The following LMO7 variants were observed in gnomAD, a reference collection of about 807,000 sequenced individuals.
LMO7 encodes LIM domain 7, also known as LIM domain only protein 7.
Under a neutral mutation model 206.5 loss-of-function variants are expected in LMO7, and 120 were observed. The observed-to-expected ratio is 0.58, with a 90% CI of 0.50 to 0.68. LMO7 has a LOEUF of 0.68. LMO7 is among the 30% of genes least tolerant of loss of function. The pLI, the probability that LMO7 is intolerant of heterozygous loss-of-function variation, is 0.00. For missense variants in LMO7, 1,959 were observed against 1,957.9 expected, an observed-to-expected ratio of 1.00 and a Z score of -0.01; for synonymous variants, 706 against 681.5, an observed-to-expected ratio of 1.04 and a Z score of -0.56.
At chr13:75,769,151 A>G (rs770126234) in intron 4 of LMO7, among the ~76,000 whole-genome samples, 2 of 152,082 alleles carry the variant, frequency 1.3e-5, no homozygotes, top group African/African-American at 2.4e-5. Context: ...CAAATGTTAA[A>G]TAGAGTAGGC....
intron 4 of LMO7, among the ~76,000 whole-genome samples, chr13:75,761,600 T>C (rs1021244030): frequency 5.9e-5 from 9 of 151,984 alleles, no homozygotes; most frequent in African/African-American, 2.2e-4. Flanking sequence ...AAAGTGAAAG[T>C]GGGGGTGAGA....
chr13:75,804,217 A>C, intron 7 of LMO7, 72 bp from the exon 8 acceptor site: 2 of 1,435,218 alleles, frequency 1.4e-6, no homozygotes, highest in Non-Finnish European at 1.9e-6. Context: ...AAGACAAAGC[A>C]GGCGCGCTGT....
At chr13:75,697,963 T>C (rs2042017140) in intron 1 of LMO7, among the ~76,000 whole-genome samples, 1 of 152,230 alleles carries the variant, frequency 6.6e-6, no homozygotes. Flanking sequence ...ATTGGGAATG[T>C]AATTAACTCT....
chr13:75,760,804 G>C (rs775830721), intron 3 of LMO7, 128 bp from the exon 4 acceptor site: 1 of 1,547,388 alleles, frequency 6.5e-7, no homozygotes, highest in Non-Finnish European at 8.7e-7. Flanking sequence ...CATATGCATG[G>C]GTCTTGCTGC....
intron 3 of LMO7, among the ~76,000 whole-genome samples, chr13:75,727,749 A>C (rs1039611319): frequency 1.3e-4 from 20 of 150,940 alleles, no homozygotes; most frequent in African/African-American, 4.6e-4. Context: ...AGCATTAGGT[A>C]TATCTCCTAA....
intron 3 of LMO7, among the ~76,000 whole-genome samples, chr13:75,737,112 C>T (rs1170962802): frequency 1.3e-5 from 2 of 152,068 alleles, no homozygotes; most frequent in African/African-American, 4.8e-5. Context: ...TTATAATGAG[C>T]TCATACTGGG....
At chr13:75,621,075 G>T (rs1385329563) in exon 1 of LMO7, 1 of 152,152 alleles carries the variant, frequency 6.6e-6, no homozygotes, top group African/African-American at 2.4e-5. Context: ...ATATTCTCAT[G>T]TACATTTTAC....
intron 27 of LMO7, among the ~76,000 whole-genome samples, chr13:75,851,934 C>A (rs2060530780): frequency 6.6e-6 from 1 of 151,844 alleles, no homozygotes; most frequent in South Asian, 2.1e-4. Context: ...ACTGGCTTTT[C>A]CTATGACAAA....
rs370835792 is a variant in LMO7 at position 75,805,459 on chromosome 13, C to G, written c.915-20C>G. Reference sequence around the variant, plus strand: ...ACAAATGCTCATACAGTGTCTTAACCGGTTGGATGTTTTGAACAGTAATCA... The same window carrying G: ...ACAAATGCTCATACAGTGTCTTAACGGGTTGGATGTTTTGAACAGTAATCA... On this transcript the variant is annotated intron_variant, in intron 8 of 30. Transcript: ENST00000377534. 2 of 1,608,560 alleles carry G rather than the reference C, an allele frequency of 1.2e-6. No individual in the cohort carries two copies. Among genetic ancestry groups the G allele is most frequent in the East Asian group, 2.2e-5 (1 of 44,816 alleles).
chr13:75,750,072 G>A (rs1003880855), intron 3 of LMO7, among the ~76,000 whole-genome samples: 1 of 151,654 alleles, frequency 6.6e-6, no homozygotes, highest in Non-Finnish European at 1.5e-5. Context: ...AAAAAAACCA[G>A]TGCTGGCACA....
chr13:75,713,088 T>A, intron 1 of LMO7, 94 bp from the exon 2 acceptor site: 1 of 789,334 alleles, frequency 1.3e-6, no homozygotes, highest in South Asian at 1.7e-5. Flanking sequence ...CCTTCAAGTA[T>A]AACATTAAAT....
In LMO7 at chr13:75,841,659, C is replaced by T. The variant is rs756856084; in HGVS notation, c.3707C>T (p.Ser1236Phe). ...ATGGTCCTAAGCTCAAACAGCATGT[C>T]TCTGACCACACGGGAGCCCTCTCTT... is the stretch of plus-strand genomic sequence containing the variant. The part of the protein sequence containing the change: ...ELMVLSSNSM[S>F]LTTREPSLAT... The change falls in exon 24 of 31, where the codon TCT (serine) becomes TTT (phenylalanine). Residue 1236 changes from serine (S) to phenylalanine (F), a missense_variant. Transcript: ENST00000377534. 6.2e-7 allele frequency: 1 copy of T among 1,613,950 alleles called. No homozygotes were observed. The highest frequency in any genetic ancestry group is 1.1e-5 in the South Asian group (1 of 91,054).
chr13:75,700,852 G>T (rs191797554), intron 1 of LMO7, among the ~76,000 whole-genome samples: 61 of 152,278 alleles, frequency 4.0e-4, no homozygotes, highest in African/African-American at 1.4e-3. Flanking sequence ...CTTAAGAATT[G>T]TTTATTTCTG....
chr13:75,742,697 C>T (rs2046510408), intron 3 of LMO7, among the ~76,000 whole-genome samples: 1 of 152,168 alleles, frequency 6.6e-6, no homozygotes, highest in South Asian at 2.1e-4. Context: ...TGGAACTTTT[C>T]CTTGTACCAT....
At chr13:75,827,233 A>G (rs375113308) in intron 15 of LMO7, among the ~76,000 whole-genome samples, 2 of 152,312 alleles carry the variant, frequency 1.3e-5, no homozygotes, top group African/African-American at 4.8e-5. Flanking sequence ...TTGATCTGGC[A>G]GGTAATTTAA....
At chr13:75,694,694 G>A (rs2041774467) in intron 1 of LMO7, among the ~76,000 whole-genome samples, 1 of 152,104 alleles carries the variant, frequency 6.6e-6, no homozygotes, top group Admixed American at 6.6e-5. Flanking sequence ...GAAGTGAGAT[G>A]TGGTAGCTGA....
At chr13:75,758,239 A>G (rs1471900774) in intron 3 of LMO7, among the ~76,000 whole-genome samples, 2 of 152,186 alleles carry the variant, frequency 1.3e-5, no homozygotes, top group African/African-American at 4.8e-5. Context: ...TTAAACAACT[A>G]AATACTTCCC....
chr13:75,855,657 C>T (rs1405466082), intron 29 of LMO7, among the ~76,000 whole-genome samples: 5 of 152,206 alleles, frequency 3.3e-5, no homozygotes, highest in Non-Finnish European at 5.9e-5. Context: ...CAGAGGCATA[C>T]TTGAAATATA....
intron 2 of LMO7, among the ~76,000 whole-genome samples, chr13:75,725,547 A>G (rs1363471961): frequency 6.6e-6 from 1 of 152,124 alleles, no homozygotes; most frequent in Non-Finnish European, 1.5e-5. Context: ...ATAGGGAACA[A>G]CTAGAAGAAT....
Sources: allele counts gnomAD v4.1 joint callset (sites outside exome capture counted in the v4.1 genomes callset), GRCh38; gene constraint gnomAD v4.1.1; transcripts MANE v1.5; gene names NCBI Gene and HGNC (gene_info 2026-07-23, HGNC 2026-07-21).